DNER: variants seen among roughly 807,000 people sequenced by gnomAD.
DNER encodes the protein delta and Notch-like epidermal growth factor-related receptor.
A neutral mutation model predicts 78.2 loss-of-function variants in DNER; 33 were observed. The observed-to-expected ratio is 0.42, with a 90% CI of 0.32 to 0.56. DNER has a LOEUF of 0.56. DNER is among the 20% of genes least tolerant of loss of function. The pLI, the probability that DNER is intolerant of heterozygous loss-of-function variation, is 0.11. For synonymous variants in DNER, 417 were observed against 384.8 expected (o/e 1.08, Z -0.98); for missense variants, 918 against 975.3 (o/e 0.94, Z 0.78).
chr2:229,404,921 T>C (rs1693347840), intron 10 of DNER, among the ~76,000 whole-genome samples: 1 of 8,552 alleles, frequency 1.2e-4, no homozygotes, highest in South Asian at 0.071. Flanking sequence ...AAGACCTCAA[T>C]ATGTAATTAT....
chr2:229,417,384 A>G (rs1219312842), intron 9 of DNER, among the ~76,000 whole-genome samples: 1 of 152,210 alleles, frequency 6.6e-6, no homozygotes, highest in Non-Finnish European at 1.5e-5. Context: ...CCCCGTAGTT[A>G]TGGCTTAGAG....
rs117846672 is a variant in DNER at position 229,550,803 on chromosome 2, G to A, written c.848-3711C>T. Among the ~76,000 whole-genome samples the A allele has an allele frequency of 1.0e-3, 151 of 151,576 alleles. 3 individuals carry two copies. The East Asian group carries it at 0.027, about 27-fold the overall frequency. On this transcript the variant is annotated intron_variant, in intron 4 of 12. Coordinates refer to ENST00000341772, the MANE Select transcript of DNER (RefSeq NM_139072.4). Reference sequence around the variant, plus strand: ...AATAAATAAATAAATAAATAAATAAGTATATTGCATTAAAAAGTAATAATT... The same window carrying A: ...AATAAATAAATAAATAAATAAATAAATATATTGCATTAAAAAGTAATAATT...
chr2:229,598,213 A>C (rs2396694), intron 1 of DNER, among the ~76,000 whole-genome samples: 2 of 151,748 alleles, frequency 1.3e-5, no homozygotes, highest in Admixed American at 1.3e-4. Flanking sequence ...CTGGGGAGAC[A>C]CAGAGGTGAC....
At chr2:229,670,483 T>C (rs924867876) in intron 1 of DNER, among the ~76,000 whole-genome samples, 3 of 152,220 alleles carry the variant, frequency 2.0e-5, no homozygotes, top group African/African-American at 7.2e-5. Context: ...AACAACAGAC[T>C]AGCTGGACTG....
At chr2:229,545,490 G>A (rs954426049) in intron 5 of DNER, among the ~76,000 whole-genome samples, 4 of 152,194 alleles carry the variant, frequency 2.6e-5, no homozygotes, top group Non-Finnish European at 2.9e-5. Context: ...CAGGAGAAAC[G>A]CTTGAACCCA....
At chr2:229,517,128 GA>G (rs1177179759) in intron 5 of DNER, among the ~76,000 whole-genome samples, 44 of 141,818 alleles carry the variant, frequency 3.1e-4, no homozygotes, top group African/African-American at 9.0e-4. Flanking sequence ...AAAAAAAAAA[GA>G]AAAAAAATTA....
chr2:229,513,908 G>T (rs1022140043), intron 5 of DNER, among the ~76,000 whole-genome samples: 3 of 151,774 alleles, frequency 2.0e-5, no homozygotes, highest in African/African-American at 4.8e-5. Context: ...CCTGTCCTCA[G>T]CCTCCCGCTG....
intron 1 of DNER, among the ~76,000 whole-genome samples, chr2:229,703,149 A>G (rs1699776403): frequency 6.6e-6 from 1 of 152,132 alleles, no homozygotes; most frequent in African/African-American, 2.4e-5. Context: ...TGATTTTAGG[A>G]CTTACTATAA....
intron 1 of DNER, among the ~76,000 whole-genome samples, chr2:229,668,769 G>A (rs1699155345): frequency 6.6e-6 from 1 of 151,460 alleles, no homozygotes; most frequent in African/African-American, 2.4e-5. Context: ...TACACTGTTG[G>A]TAGGAGTGTA....
chr2:229,623,660 A>T (rs1698289157), intron 1 of DNER, among the ~76,000 whole-genome samples: 1 of 152,190 alleles, frequency 6.6e-6, no homozygotes, highest in Admixed American at 6.5e-5. Flanking sequence ...CAGACTACAG[A>T]AAGACTCCAT....
chr2:229,533,710 C>CA (rs958194932), intron 5 of DNER, among the ~76,000 whole-genome samples: 4 of 151,714 alleles, frequency 2.6e-5, no homozygotes, highest in East Asian at 1.9e-4. Flanking sequence ...CCTTTCTCCT[C>CA]AAAAAAAATG....
intron 6 of DNER, among the ~76,000 whole-genome samples, chr2:229,481,546 G>A (rs1032942401): frequency 6.7e-6 from 1 of 149,188 alleles, no homozygotes; most frequent in African/African-American, 2.4e-5. Context: ...GGATACCTAA[G>A]ATCTACACAA....
chr2:229,668,532 GTGTGTATATA>G (rs1246419413), intron 1 of DNER, among the ~76,000 whole-genome samples: 12 of 3,426 alleles, frequency 3.5e-3, no homozygotes, highest in Admixed American at 5.5e-3. Flanking sequence ...GTGTGTGTGT[GTGTGTATATA>G]TATATATATA....
intron 5 of DNER, among the ~76,000 whole-genome samples, chr2:229,534,311 GGTAACAGACCAATAGATTGTAAT>G (rs1696364090): frequency 6.7e-6 from 1 of 149,194 alleles, no homozygotes; most frequent in Non-Finnish European, 1.5e-5. Context: ...AGATTGTAAT[GGTAACAGACCAATAGATTGTAAT>G]GTAACAGACC....
In DNER at chr2:229,547,054, A is replaced by G; in HGVS notation, c.886T>C (p.Leu296=). 2 of 1,614,180 alleles carry G rather than the reference A, an allele frequency of 1.2e-6. No homozygotes were observed. Among genetic ancestry groups the G allele is most frequent in the Non-Finnish European group, 1.7e-6 (2 of 1,180,012 alleles). ...NDSVTKSIVA[L]RLTLVVKVST... The stretch of plus-strand genomic sequence containing the variant: ...ACCTTCACCACCAGAGTTAAGCGCA[A>G]AGCCACAATAGACTTAGTCACAGAA... The change falls in exon 5 of 13, where the codon TTG becomes CTG. Residue 296 remains leucine (L), a synonymous_variant. Coordinates refer to ENST00000341772, the MANE Select transcript of DNER (RefSeq NM_139072.4).
At chr2:229,688,191 G>A (rs1699517342) in intron 1 of DNER, among the ~76,000 whole-genome samples, 1 of 152,202 alleles carries the variant, frequency 6.6e-6, no homozygotes, top group African/African-American at 2.4e-5. Context: ...CGCCCACAGG[G>A]ACACAGTCAG....
chr2:229,593,952 G>A (rs1253131888), intron 1 of DNER, among the ~76,000 whole-genome samples: 1 of 152,204 alleles, frequency 6.6e-6, no homozygotes, highest in African/African-American at 2.4e-5. Flanking sequence ...CCTCCATTGC[G>A]CAGCTTAGAG....
intron 11 of DNER, among the ~76,000 whole-genome samples, chr2:229,375,933 C>T (rs565330891): frequency 1.2e-4 from 19 of 152,186 alleles, no homozygotes; most frequent in African/African-American, 4.6e-4. Flanking sequence ...GGGGCGGGTC[C>T]CCCATGCTGT....
At chr2:229,383,784 G>T (rs1692798952) in intron 11 of DNER, among the ~76,000 whole-genome samples, 1 of 151,634 alleles carries the variant, frequency 6.6e-6, no homozygotes, top group Admixed American at 6.6e-5. Flanking sequence ...CCTAAAAAGA[G>T]AATTAGACTC....
Sources: gnomAD v4.1 joint callset for allele counts (sites outside exome capture counted in the v4.1 genomes callset) on GRCh38, gnomAD v4.1.1 for gene constraint, MANE v1.5 for transcripts, NCBI Gene and HGNC (gene_info 2026-07-23, HGNC 2026-07-21) for gene names.